The following GABRB1 variants were observed in gnomAD, a reference collection of about 807,000 sequenced individuals.
GABRB1 encodes the protein gamma-aminobutyric acid receptor subunit beta-1.
Under a neutral mutation model 51.6 loss-of-function variants are expected in GABRB1, and 17 were observed. That is an observed-to-expected ratio of 0.33 (90% confidence interval 0.23 to 0.49). The LOEUF is 0.49. Among genes scored for constraint, GABRB1 ranks in the 20% least tolerant of loss-of-function variants. GABRB1 has a pLI of 0.99. For missense variants in GABRB1, 410 were observed against 600.6 expected (o/e 0.68, Z 3.32); for synonymous variants, 247 against 218.9 (o/e 1.13, Z -1.14).
intron 4 of GABRB1, among the ~76,000 whole-genome samples, chr4:47,308,589 A>G (rs1724552291): frequency 1.3e-5 from 2 of 152,108 alleles, no homozygotes; most frequent in Non-Finnish European, 2.9e-5. Flanking sequence ...AAGATGACTG[A>G]TTACCTTTCA....
At chr4:47,334,851 G>C (rs779786626) in intron 5 of GABRB1, among the ~76,000 whole-genome samples, 1 of 152,078 alleles carries the variant, frequency 6.6e-6, no homozygotes, top group Non-Finnish European at 1.5e-5. Context: ...AATTGTGGGC[G>C]TTTCTCATGA....
chr4:47,005,399 C>G (rs544392596), intron 1 of GABRB1, among the ~76,000 whole-genome samples: 1 of 152,076 alleles, frequency 6.6e-6, no homozygotes, highest in Non-Finnish European at 1.5e-5. Context: ...GCATGGGCGA[C>G]AGAGTGGGAC....
intron 3 of GABRB1, among the ~76,000 whole-genome samples, chr4:47,118,861 A>G (rs1030731758): frequency 1.3e-5 from 2 of 152,210 alleles, no homozygotes; most frequent in Admixed American, 6.5e-5. Context: ...TGCTTCTAAT[A>G]TTAACAACCA....
chr4:47,098,167 C>G (rs1478324074), intron 3 of GABRB1, among the ~76,000 whole-genome samples: 1 of 89,076 alleles, frequency 1.1e-5, no homozygotes, highest in African/African-American at 2.8e-5. Flanking sequence ...CACACACACA[C>G]ACACACACAC....
At chr4:47,368,226 C>T (rs532768194) in intron 5 of GABRB1, among the ~76,000 whole-genome samples, 2 of 152,134 alleles carry the variant, frequency 1.3e-5, no homozygotes, top group Non-Finnish European at 2.9e-5. Context: ...TATAAATATC[C>T]TCAAATTGAA....
At chr4:47,280,317 T>A (rs1377169376) in intron 4 of GABRB1, among the ~76,000 whole-genome samples, 1 of 151,940 alleles carries the variant, frequency 6.6e-6, no homozygotes, top group East Asian at 1.9e-4. Context: ...TTGACACATT[T>A]CATAATTTTT....
intron 1 of GABRB1, among the ~76,000 whole-genome samples, chr4:47,016,247 A>G (rs1041805431): frequency 2.6e-5 from 4 of 152,234 alleles, no homozygotes; most frequent in Admixed American, 1.3e-4. Context: ...AACATGAACC[A>G]GGCTGCAAAA....
At chr4:47,320,050 A>G in intron 4 of GABRB1, 77 bp from the exon 5 acceptor site, 1 of 998,162 alleles carries the variant, frequency 1.0e-6, no homozygotes, top group Non-Finnish European at 1.6e-6. Flanking sequence ...GGTAAACATG[A>G]TTTGGGGCTA....
At chr4:47,290,420 G>A (rs547674892) in intron 4 of GABRB1, among the ~76,000 whole-genome samples, 1 of 152,306 alleles carries the variant, frequency 6.6e-6, no homozygotes, top group African/African-American at 2.4e-5. Flanking sequence ...GCCTTTATCA[G>A]CAGCATAAAA....
chr4:47,266,219 T>C (rs1431367149), intron 4 of GABRB1, among the ~76,000 whole-genome samples: 1 of 152,188 alleles, frequency 6.6e-6, no homozygotes, highest in African/African-American at 2.4e-5. Flanking sequence ...TTTGTTTTTG[T>C]CCACTTTATC....
chr4:47,426,063 G>A lies in GABRB1; in HGVS notation c.*45G>A, dbSNP rs1465023387. ...ATTTAGACTACTTTCCTCTTCTATTGTTTTTTAACCTTACAGGTCCCCAAC... is the reference window on the plus strand; with the variant it reads ...ATTTAGACTACTTTCCTCTTCTATTATTTTTTAACCTTACAGGTCCCCAAC... On this transcript the variant is annotated 3_prime_UTR_variant, in exon 9 of 9. Coordinates refer to ENST00000295454, the MANE Select transcript of GABRB1 (RefSeq NM_000812.4). The A allele has an allele frequency of 6.9e-7, 1 of 1,450,408 alleles. No homozygotes were observed. Among genetic ancestry groups the A allele is most frequent in the Non-Finnish European group, 9.3e-7 (1 of 1,076,974 alleles). 89.8% of individuals were successfully genotyped at this position (1,450,408 alleles called of 1,614,324 possible). A position where few individuals can be genotyped will look rare whatever the true frequency, so the allele number is the denominator to read the frequency against.
chr4:47,071,220 AT>A (rs1727321767), intron 3 of GABRB1, among the ~76,000 whole-genome samples: 1 of 152,170 alleles, frequency 6.6e-6, no homozygotes, highest in Non-Finnish European at 1.5e-5. Context: ...TATTGTCTAA[AT>A]TCTGAATGAT....
intron 5 of GABRB1, among the ~76,000 whole-genome samples, chr4:47,328,253 T>G (rs1225518494): frequency 6.6e-6 from 1 of 152,178 alleles, no homozygotes; most frequent in African/African-American, 2.4e-5. Context: ...TTTCTCCCAT[T>G]CTGTAGGTTG....
At chr4:47,350,246 T>C (rs1445830330) in intron 5 of GABRB1, among the ~76,000 whole-genome samples, 1 of 79,978 alleles carries the variant, frequency 1.3e-5, no homozygotes, top group South Asian at 4.2e-4. Context: ...GAGAGAGAGG[T>C]TTTAAGGCAT....
chr4:47,100,976 C>T (rs10517178), intron 3 of GABRB1, among the ~76,000 whole-genome samples: 52,277 of 151,748 alleles, frequency 0.34, 9,360 homozygotes, highest in Middle Eastern at 0.45. Flanking sequence ...CTATAAAATA[C>T]GGTACATGGA....
At chr4:47,026,302 G>T (rs1266966404) in intron 1 of GABRB1, among the ~76,000 whole-genome samples, 1 of 151,952 alleles carries the variant, frequency 6.6e-6, no homozygotes, top group Admixed American at 6.6e-5. Context: ...ACGAATAAAT[G>T]AATTAGCGCA....
intron 5 of GABRB1, among the ~76,000 whole-genome samples, chr4:47,336,983 T>C (rs940245570): frequency 3.9e-5 from 6 of 152,138 alleles, no homozygotes; most frequent in Non-Finnish European, 7.4e-5. Flanking sequence ...GCATGTATAT[T>C]GGATTCACAA....
At chr4:47,172,398 A>G (rs1406566360) in intron 4 of GABRB1, among the ~76,000 whole-genome samples, 1 of 152,166 alleles carries the variant, frequency 6.6e-6, no homozygotes, top group Non-Finnish European at 1.5e-5. Flanking sequence ...TACAGGAAGT[A>G]GTGCCTCATC....
chr4:47,230,862 C>A (rs950517960), intron 4 of GABRB1, among the ~76,000 whole-genome samples: 4 of 152,082 alleles, frequency 2.6e-5, no homozygotes, highest in African/African-American at 9.7e-5. Flanking sequence ...GGAATTTGGC[C>A]TTCATTGGCT....
Sources: gnomAD v4.1 joint callset for allele counts (sites outside exome capture counted in the v4.1 genomes callset) on GRCh38, gnomAD v4.1.1 for gene constraint, MANE v1.5 for transcripts, NCBI Gene and HGNC (gene_info 2026-07-23, HGNC 2026-07-21) for gene names.